DGKB: variants seen among roughly 807,000 people sequenced by gnomAD.
DGKB encodes 90 kDa diacylglycerol kinase.
In DGKB, 67 loss-of-function variants were observed where a neutral mutation model predicts 114.3. The observed-to-expected ratio is 0.59, with a 90% CI of 0.48 to 0.72. DGKB has a LOEUF of 0.72. Ranked by LOEUF, DGKB falls within the 30% of genes least tolerant of loss-of-function variation. The probability of loss-of-function intolerance (pLI) is 0.00; values close to 1 mark genes in which losing one functional copy is unlikely to be tolerated. For synonymous variants in DGKB, 398 were observed against 323.1 expected, an observed-to-expected ratio of 1.23 and a Z score of -2.49; for missense variants, 907 against 975.2, an observed-to-expected ratio of 0.93 and a Z score of 0.93.
At chr7:14,654,873 T>A (rs1346282821) in intron 13 of DGKB, among the ~76,000 whole-genome samples, 1 of 151,740 alleles carries the variant, frequency 6.6e-6, no homozygotes, top group Non-Finnish European at 1.5e-5. Context: ...GAACCAAAAA[T>A]TGACACAAAA....
At chr7:14,554,195 A>C (rs1795545499) in intron 20 of DGKB, among the ~76,000 whole-genome samples, 2 of 152,046 alleles carry the variant, frequency 1.3e-5, no homozygotes, top group South Asian at 2.1e-4. Context: ...TTTAGGAGAC[A>C]GCTAGGTAAA....
At chr7:14,687,273 A>G (rs1218807774) in intron 9 of DGKB, among the ~76,000 whole-genome samples, 2 of 152,194 alleles carry the variant, frequency 1.3e-5, no homozygotes, top group African/African-American at 4.8e-5. Flanking sequence ...TTAACTTCCA[A>G]TAGGGTAAAT....
chr7:14,382,568 C>G (rs1035606009), intron 21 of DGKB, among the ~76,000 whole-genome samples: 10 of 152,122 alleles, frequency 6.6e-5, no homozygotes, highest in African/African-American at 2.4e-4. Context: ...TTAGACATCT[C>G]TATTCATAGG....
chr7:14,774,654 C>A (rs1837895305), intron 2 of DGKB, among the ~76,000 whole-genome samples: 1 of 152,054 alleles, frequency 6.6e-6, no homozygotes, highest in Admixed American at 6.6e-5. Context: ...TAGTCATATG[C>A]AACAGTCTTC....
At chr7:14,162,558 C>G (rs1393542400) in intron 25 of DGKB, among the ~76,000 whole-genome samples, 1 of 152,052 alleles carries the variant, frequency 6.6e-6, no homozygotes, top group African/African-American at 2.4e-5. Flanking sequence ...GGAGTTCCTA[C>G]ATGAGAATAT....
chr7:14,233,118 CAG>C (rs1434963699), intron 23 of DGKB, among the ~76,000 whole-genome samples: 1 of 151,916 alleles, frequency 6.6e-6, no homozygotes, highest in Non-Finnish European at 1.5e-5. Flanking sequence ...AGTTGGAAGA[CAG>C]AGGGGAACAC....
chr7:14,636,648 GC>G (rs991430889), intron 13 of DGKB, among the ~76,000 whole-genome samples: 4 of 151,748 alleles, frequency 2.6e-5, no homozygotes, highest in Non-Finnish European at 5.9e-5. Context: ...GAATCTAAGA[GC>G]CCCATTATTC....
chr7:14,493,106 A>C (rs1459583864), intron 20 of DGKB, among the ~76,000 whole-genome samples: 1 of 152,114 alleles, frequency 6.6e-6, no homozygotes, highest in Non-Finnish European at 1.5e-5. Flanking sequence ...AGGCAAGTAT[A>C]TGTGGTCAAT....
chr7:14,341,394 C>T (rs1390990544), intron 22 of DGKB, among the ~76,000 whole-genome samples: 1 of 151,716 alleles, frequency 6.6e-6, no homozygotes, highest in East Asian at 1.9e-4. Flanking sequence ...GAGGTGAAGG[C>T]TATGAAATAT....
chr7:14,255,525 A>C (rs2128400079), intron 23 of DGKB, among the ~76,000 whole-genome samples: 1 of 152,302 alleles, frequency 6.6e-6, no homozygotes, highest in Non-Finnish European at 1.5e-5. Flanking sequence ...CACGAAGCAC[A>C]TCCAGAGATT....
chr7:14,863,849 TGG>T (rs1851329609), intron 1 of DGKB, among the ~76,000 whole-genome samples: 1 of 152,036 alleles, frequency 6.6e-6, no homozygotes, highest in Admixed American at 6.6e-5. Context: ...TCTCTAATCC[TGG>T]CACTTTGGGA....
At chr7:14,846,724 G>T (rs1474986521) in intron 1 of DGKB, among the ~76,000 whole-genome samples, 1 of 152,168 alleles carries the variant, frequency 6.6e-6, no homozygotes, top group Non-Finnish European at 1.5e-5. Flanking sequence ...CTAGTCAGTG[G>T]ATGTGCCACT....
At chr7:14,707,679 A>C (rs1826546801) in intron 6 of DGKB, among the ~76,000 whole-genome samples, 1 of 47,644 alleles carries the variant, frequency 2.1e-5, no homozygotes, top group African/African-American at 8.1e-5. Context: ...AAATCAATAA[A>C]TGTAATCCAG....
chr7:14,795,953 G>A lies in DGKB; in HGVS notation c.71-38222C>T, dbSNP rs147679746. Among the ~76,000 whole-genome samples, 577 of 152,216 alleles carry A rather than the reference G, an allele frequency of 3.8e-3. 6 individuals are homozygous for A. The highest frequency in any genetic ancestry group is 7.8e-3 in the Admixed American group (119 of 15,290). ...CTAATGTTATGACATGTCTTAACAG[G>A]ATCTAATTTGAGGCACTAAGGAGGA... On this transcript the variant is annotated intron_variant, in intron 2 of 25. Transcript: ENST00000402815.
chr7:14,181,918 A>G (rs550392546), intron 23 of DGKB, among the ~76,000 whole-genome samples: 5 of 152,326 alleles, frequency 3.3e-5, no homozygotes, highest in Admixed American at 3.3e-4. Flanking sequence ...TATAAAAGGT[A>G]TTTCAGAGGG....
At chr7:14,336,159 G>C (rs1583263976) in intron 23 of DGKB, among the ~76,000 whole-genome samples, 1 of 152,226 alleles carries the variant, frequency 6.6e-6, no homozygotes, top group East Asian at 1.9e-4. Flanking sequence ...TGGCTATTAA[G>C]TATAACATTG....
chr7:14,456,578 C>T (rs1832317089), intron 21 of DGKB, among the ~76,000 whole-genome samples: 1 of 151,944 alleles, frequency 6.6e-6, no homozygotes, highest in South Asian at 2.1e-4. Flanking sequence ...CTAGCAAAAC[C>T]TAATGCTTTA....
intron 23 of DGKB, among the ~76,000 whole-genome samples, chr7:14,226,205 T>C (rs892539700): frequency 1.3e-5 from 2 of 151,932 alleles, no homozygotes; most frequent in Admixed American, 6.6e-5. Flanking sequence ...TTATTATAAA[T>C]GGTTGAATTT....
intron 7 of DGKB, among the ~76,000 whole-genome samples, chr7:14,699,926 T>C (rs959685222): frequency 7.9e-5 from 12 of 151,236 alleles, no homozygotes; most frequent in African/African-American, 2.7e-4. Context: ...ACTATTTGAC[T>C]GAATTTTCAA....
Sources: gnomAD v4.1 joint callset for allele counts (sites outside exome capture counted in the v4.1 genomes callset) on GRCh38, gnomAD v4.1.1 for gene constraint, MANE v1.5 for transcripts, NCBI Gene and HGNC (gene_info 2026-07-23, HGNC 2026-07-21) for gene names.